PTPRR: variants seen among roughly 807,000 people sequenced by gnomAD.
The protein encoded by PTPRR is protein tyrosine phosphatase receptor type R.
A neutral mutation model predicts 77.2 loss-of-function variants in PTPRR; 38 were observed. The observed-to-expected ratio is 0.49, with a 90% CI of 0.38 to 0.65. PTPRR has a LOEUF of 0.65. PTPRR is among the 30% of genes least tolerant of loss of function. The pLI, the probability that PTPRR is intolerant of heterozygous loss-of-function variation, is 0.00. For missense variants in PTPRR, 744 were observed against 799.2 expected (o/e 0.93, Z 0.83); for synonymous variants, 299 against 283.1 (o/e 1.06, Z -0.57).
At chr12:70,901,532 G>A (rs1893534059) in intron 1 of PTPRR, among the ~76,000 whole-genome samples, 1 of 151,682 alleles carries the variant, frequency 6.6e-6, no homozygotes, top group African/African-American at 2.4e-5. Context: ...GCAAAAAGTG[G>A]TGCTGGGATC....
intron 2 of PTPRR, among the ~76,000 whole-genome samples, chr12:70,878,321 G>A (rs1483148361): frequency 2.0e-5 from 3 of 152,074 alleles, no homozygotes; most frequent in South Asian, 2.1e-4. Flanking sequence ...GCAACCTTCA[G>A]AATGGGAGAA....
intron 13 of PTPRR, 162 bp from the exon 14 acceptor site, chr12:70,639,439 C>A: frequency 7.2e-7 from 1 of 1,383,958 alleles, no homozygotes. Context: ...AATGTCTCAA[C>A]TATCAAAGTT....
At chr12:70,683,377 A>C (rs1276580753) in intron 10 of PTPRR, among the ~76,000 whole-genome samples, 1 of 152,224 alleles carries the variant, frequency 6.6e-6, no homozygotes, top group Middle Eastern at 3.2e-3. Flanking sequence ...AATACAGAAT[A>C]AGTATTCTGC....
intron 2 of PTPRR, among the ~76,000 whole-genome samples, chr12:70,777,385 T>G (rs1891113309): frequency 6.6e-6 from 1 of 152,112 alleles, no homozygotes; most frequent in South Asian, 2.1e-4. Context: ...ATGTCTATAT[T>G]ATAACATAAA....
At chr12:70,725,963 T>G (rs1889419070) in intron 6 of PTPRR, among the ~76,000 whole-genome samples, 1 of 152,094 alleles carries the variant, frequency 6.6e-6, no homozygotes, top group Non-Finnish European at 1.5e-5. Flanking sequence ...CCCTAAATAG[T>G]AAAATCATTG....
intron 6 of PTPRR, among the ~76,000 whole-genome samples, chr12:70,731,221 A>G (rs1889651304): frequency 6.6e-6 from 1 of 152,142 alleles, no homozygotes; most frequent in Admixed American, 6.5e-5. Context: ...AAGTTAAACC[A>G]TTGGTCAAGA....
chr12:70,913,542 TA>T (rs542078121), intron 1 of PTPRR, among the ~76,000 whole-genome samples: 77 of 149,936 alleles, frequency 5.1e-4, no homozygotes, highest in Admixed American at 3.5e-3. Context: ...CTCTTTAAAG[TA>T]AAAAAAAAAT....
At chr12:70,810,929 GGATTT>G (rs1238540870) in intron 2 of PTPRR, among the ~76,000 whole-genome samples, 7 of 152,082 alleles carry the variant, frequency 4.6e-5, no homozygotes, top group Admixed American at 1.3e-4. Flanking sequence ...GCATTAACTA[GGATTT>G]GATTTAACTG....
rs945016171 is a variant in PTPRR, at chr12:70,858,175, AATTG to A, written c.357+34500_357+34503del. On this transcript the variant is annotated intron_variant, in intron 2 of 13. Transcript: ENST00000283228. ...TACACTGCAGTGTGAGGCTCTTCTT[AATTG>A]ATTCTTTCTTTTTTCCCTCTCTCCT... Among the ~76,000 whole-genome samples, 13 of 151,780 alleles carry A rather than the reference AATTG, an allele frequency of 8.6e-5. No individual in the cohort carries two copies. The South Asian group carries it at 1.2e-3, about 15-fold the overall frequency.
At chr12:70,661,137 T>C (rs1352296707) in intron 11 of PTPRR, 40 bp from the exon 12 acceptor site, 1 of 1,577,956 alleles carries the variant, frequency 6.3e-7, no homozygotes. Context: ...CATTCACTTG[T>C]AGAACTAAAA....
chr12:70,679,465 CATTGCTGAGAGT>C (rs1358737412), intron 10 of PTPRR, among the ~76,000 whole-genome samples: 1 of 152,040 alleles, frequency 6.6e-6, no homozygotes, highest in Non-Finnish European at 1.5e-5. Flanking sequence ...ATGATCTGTC[CATTGCTGAGAGT>C]GGGGTGTTGA....
chr12:70,795,543 CATG>C (rs1891496226), intron 2 of PTPRR, among the ~76,000 whole-genome samples: 1 of 151,968 alleles, frequency 6.6e-6, no homozygotes, highest in Non-Finnish European at 1.5e-5. Flanking sequence ...TTTTTATTAC[CATG>C]ATAAAAATAT....
rs777062811 is a variant in PTPRR, at chr12:70,698,225, G to T, written c.1279+40C>A. On this transcript the variant is annotated intron_variant, in intron 8 of 13. Coordinates refer to ENST00000283228, the MANE Select transcript of PTPRR (RefSeq NM_002849.4). ...TCTCCTAATGGCTATCCCTCCCCTT[G>T]CCCCCCATACAATGCAAATTATAAA... is the stretch of plus-strand genomic sequence containing the variant. 8 of 1,547,570 alleles carry T rather than the reference G, an allele frequency of 5.2e-6. No homozygotes were observed. The Middle Eastern group carries it at 5.1e-4, about 98-fold the overall frequency.
intron 2 of PTPRR, among the ~76,000 whole-genome samples, chr12:70,888,046 T>G (rs1319547682): frequency 1.1e-5 from 1 of 91,954 alleles, no homozygotes; most frequent in African/African-American, 5.0e-5. Flanking sequence ...GTGTGTGTGG[T>G]GTGATATGAT....
intron 5 of PTPRR, among the ~76,000 whole-genome samples, chr12:70,753,751 A>C (rs1890476941): frequency 6.6e-6 from 1 of 152,178 alleles, no homozygotes; most frequent in Non-Finnish European, 1.5e-5. Flanking sequence ...AGTCCTTTTA[A>C]AAATAAGGAA....
At chr12:70,826,682 C>T (rs981231034) in intron 2 of PTPRR, among the ~76,000 whole-genome samples, 1 of 152,176 alleles carries the variant, frequency 6.6e-6, no homozygotes, top group African/African-American at 2.4e-5. Flanking sequence ...TCAACAGAAA[C>T]TAATGACATG....
chr12:70,836,810 C>T (rs1892312033), intron 2 of PTPRR, among the ~76,000 whole-genome samples: 1 of 151,900 alleles, frequency 6.6e-6, no homozygotes, highest in Non-Finnish European at 1.5e-5. Context: ...GACTGTTTTC[C>T]CCAGTTATAT....
intron 1 of PTPRR, among the ~76,000 whole-genome samples, chr12:70,904,474 A>G (rs1368205330): frequency 2.0e-5 from 3 of 151,944 alleles, no homozygotes; most frequent in Non-Finnish European, 4.4e-5. Flanking sequence ...TTTTTCCATT[A>G]CATGACATTC....
intron 2 of PTPRR, chr12:70,788,741 A>C (rs1281322610): frequency 3.1e-5 from 31 of 1,006,666 alleles, no homozygotes; most frequent in Non-Finnish European, 4.1e-5. Context: ...TATAGACATA[A>C]ATCTTAATAT....
Sources: gnomAD v4.1 joint callset for allele counts (sites outside exome capture counted in the v4.1 genomes callset) on GRCh38, gnomAD v4.1.1 for gene constraint, MANE v1.5 for transcripts, NCBI Gene and HGNC (gene_info 2026-07-23, HGNC 2026-07-21) for gene names.